The following GIMAP4 variants were observed in gnomAD, a reference collection of about 807,000 sequenced individuals.
GIMAP4 encodes GTPase IMAP family member 4.
A neutral mutation model predicts 10.8 loss-of-function variants in GIMAP4; 12 were observed. The observed-to-expected ratio is 1.11, with a 90% CI of 0.71 to 1.81. The LOEUF is 1.81. Among genes scored for constraint, GIMAP4 ranks in the 40% most tolerant of loss-of-function variants. The probability of loss-of-function intolerance (pLI) is 0.00; values close to 1 mark genes in which losing one functional copy is unlikely to be tolerated. For synonymous variants in GIMAP4, 149 were observed against 147.2 expected, an observed-to-expected ratio of 1.01 and a Z score of -0.09; for missense variants, 412 against 404.6, an observed-to-expected ratio of 1.02 and a Z score of -0.16.
Position 150,572,417 on chromosome 7 carries a change from C to T in GIMAP4, c.347C>T (p.Ala116Val). 2 of 1,614,186 alleles carry T rather than the reference C, an allele frequency of 1.2e-6. No individual in the cohort carries two copies. The highest frequency in any genetic ancestry group is 8.5e-7 in the Non-Finnish European group (1 of 1,179,996). ...CTTCTGACCTCCCCAGGGCCTCATG[C>T]TCTGCTTCTGGTGGTTCCACTGGGC... is the stretch of plus-strand genomic sequence containing the variant. ...CILLTSPGPHALLLVVPLGRY... is the reference protein window; with the variant it reads ...CILLTSPGPHVLLLVVPLGRY... The change falls in exon 3 of 3, where the codon GCT becomes GTT. Residue 116 changes from alanine to valine, a missense_variant. Coordinates refer to ENST00000255945, the MANE Select transcript of GIMAP4 (RefSeq NM_018326.3).
Position 150,572,578 on chromosome 7 carries a change from G to C in GIMAP4, c.508G>C (p.Glu170Gln), listed in dbSNP as rs1191561737. 2 of 1,614,094 alleles carry C rather than the reference G, an allele frequency of 1.2e-6. No homozygotes were observed. Among genetic ancestry groups the C allele is most frequent in the South Asian group, 2.2e-5 (2 of 91,068 alleles). ...CACCAATTTGCATGACTACTTAAGG[G>C]AAGCTCCAGAAGACATTCAAGACTT... ...GDTNLHDYLR[E>Q]APEDIQDLMD... Residue 170 changes from glutamate (E) to glutamine (Q), a missense_variant, in exon 3 of 3, where the codon GAA (glutamate) becomes CAA (glutamine). Transcript: ENST00000255945.
At chr7:150,568,000 T>C (rs1795683240) in intron 1 of GIMAP4, among the ~76,000 whole-genome samples, 1 of 152,196 alleles carries the variant, frequency 6.6e-6, no homozygotes. Flanking sequence ...TGTGACTCTC[T>C]ACAGTTCAGG....
intron 2 of GIMAP4, among the ~76,000 whole-genome samples, chr7:150,571,449 G>A (rs1795727167): frequency 6.6e-6 from 1 of 152,148 alleles, no homozygotes; most frequent in Non-Finnish European, 1.5e-5. Context: ...ATATGCTAAA[G>A]TCAAATCTTG....
Position 150,572,590 on chromosome 7 carries a change from G to A in GIMAP4, c.520G>A (p.Asp174Asn). Residue 174 changes from aspartate to asparagine, a missense_variant, in exon 3 of 3, where the codon GAC (aspartate) becomes AAC (asparagine). Coordinates refer to ENST00000255945, the MANE Select transcript of GIMAP4 (RefSeq NM_018326.3). ...LHDYLREAPE[D>N]IQDLMDIFGD... ...TGACTACTTAAGGGAAGCTCCAGAA[G>A]ACATTCAAGACTTGATGGACATTTT... 1 of 1,614,124 alleles carries A rather than the reference G, an allele frequency of 6.2e-7. No individual in the cohort carries two copies. The highest frequency in any genetic ancestry group is 2.2e-5 in the East Asian group (1 of 44,886).
At position 150,573,199 on chromosome 7, in the gene GIMAP4, A is replaced by G; in HGVS notation, c.*139A>G. 1.7e-6 allele frequency: 1 copy of G among 605,610 alleles called. No homozygotes were observed. Among genetic ancestry groups the G allele is most frequent in the African/African-American group, 1.9e-5 (1 of 53,950 alleles). The allele number at this position is 605,610 out of a possible 1,614,324, so 37.5% of individuals were successfully genotyped here. A position where few individuals can be genotyped will look rare whatever the true frequency, so the allele number is the denominator to read the frequency against. On this transcript the variant is annotated 3_prime_UTR_variant, in exon 3 of 3. Coordinates refer to ENST00000255945, the MANE Select transcript of GIMAP4 (RefSeq NM_018326.3). ...AAGGACCACCATTGGCCATTGGTAG[A>G]TGTTTGATTGACTTAACAAGAGAGG...
rs553200173 is a variant in GIMAP4, at chr7:150,573,739, A to G, written c.*679A>G. The G allele has an allele frequency of 4.5e-4, 68 of 152,320 alleles. No individual in the cohort carries two copies. Among genetic ancestry groups the G allele is most frequent in the African/African-American group, 1.6e-3 (65 of 41,582 alleles). The allele number at this position is 152,320 out of a possible 1,614,324, so 9.4% of individuals were successfully genotyped here. A position where few individuals can be genotyped will look rare whatever the true frequency, so the allele number is the denominator to read the frequency against. ...TAATAGAGCAATGTTTAGTATATTC[A>G]GCTGTATCTGTAGAAACTCTTTGAC... On this transcript the variant is annotated 3_prime_UTR_variant, in exon 3 of 3. Transcript: ENST00000255945.
In GIMAP4 at chr7:150,567,453, T is replaced by C. The variant is rs149341389; in HGVS notation, c.-15+16T>C. On this transcript the variant is annotated intron_variant, in intron 1 of 2. Transcript: ENST00000255945. ...GATTTTTCAGGTAAGGGAATAGGGG[T>C]GTGTGTGGTGGGGGTCGGGACGAAT... is the stretch of plus-strand genomic sequence containing the variant. The C allele has an allele frequency of 6.6e-6, 1 of 151,810 alleles. No individual in the cohort carries two copies. The highest frequency in any genetic ancestry group is 2.4e-5 in the African/African-American group (1 of 41,376). The allele number at this position is 151,810 out of a possible 1,614,324, so 9.4% of individuals were successfully genotyped here.
At position 150,569,171 on chromosome 7, in the gene GIMAP4, A is replaced by C. The variant is rs182069658; in HGVS notation, c.-14-717A>C. Among the ~76,000 whole-genome samples, 464 of 152,352 alleles carry C rather than the reference A, an allele frequency of 3.0e-3. 1 individual carries two copies. The highest frequency in any genetic ancestry group is 5.2e-3 in the Non-Finnish European group (355 of 68,038). On this transcript the variant is annotated intron_variant, in intron 1 of 2. Coordinates refer to ENST00000255945, the MANE Select transcript of GIMAP4 (RefSeq NM_018326.3). ...TAAACAAGAAAAAATATCAAATTTTAGTTTTAAAAGAACATCTGATTGTAG... is the reference window on the plus strand; with the variant it reads ...TAAACAAGAAAAAATATCAAATTTTCGTTTTAAAAGAACATCTGATTGTAG...
At chr7:150,572,012 C>A in intron 2 of GIMAP4, 117 bp from the exon 3 acceptor site, 3 of 664,476 alleles carry the variant, frequency 4.5e-6, no homozygotes, top group South Asian at 1.9e-5. Context: ...GCAGTAACAT[C>A]AGGAGAAGCC....
intron 1 of GIMAP4, among the ~76,000 whole-genome samples, chr7:150,567,757 G>A (rs1170800923): frequency 6.6e-6 from 1 of 152,166 alleles, no homozygotes; most frequent in East Asian, 1.9e-4. Flanking sequence ...TAGCTCTGGG[G>A]GAGCTGGTGG....
Position 150,572,966 on chromosome 7 carries a change from C to A in GIMAP4, c.896C>A (p.Thr299Lys), listed in dbSNP as rs746688729. The A allele has an allele frequency of 2.5e-6, 4 of 1,613,470 alleles. No individual in the cohort carries two copies. Among genetic ancestry groups the A allele is most frequent in the Admixed American group, 1.7e-5 (1 of 60,020 alleles). ...HYAVRQQRAR[T>K]EVESKDGILE... ...GCTGTAAGGCAGCAAAGGGCAAGAA[C>A]GGAAGTGGAGAGTAAGGATGGGATA... The change falls in exon 3 of 3, where the codon ACG (threonine) becomes AAG (lysine). Residue 299 changes from threonine to lysine, a missense_variant. By Grantham distance (78) the Thr-to-Lys change is moderately conservative. Coordinates refer to ENST00000255945, the MANE Select transcript of GIMAP4 (RefSeq NM_018326.3).
intron 2 of GIMAP4, among the ~76,000 whole-genome samples, chr7:150,570,646 G>A (rs1184488469): frequency 6.6e-6 from 1 of 152,124 alleles, no homozygotes; most frequent in Non-Finnish European, 1.5e-5. Context: ...ATGCATCTGG[G>A]GTAAGCTAGT....
chr7:150,572,756 C>T lies in GIMAP4; in HGVS notation c.686C>T (p.Ala229Val), dbSNP rs1332622900. ...TACACTAATAGGATGTACCAAAGGG[C>T]GGAGGAGGAGATCCAGAAGCAAACA... Reference protein sequence around the residue: ...GCYTNRMYQRAEEEIQKQTQA... With the variant: ...GCYTNRMYQRVEEEIQKQTQA... The change falls in exon 3 of 3, where the codon GCG (alanine) becomes GTG (valine). Residue 229 changes from alanine to valine, a missense_variant. By Grantham distance (64) the Ala-to-Val change is moderately conservative. Transcript: ENST00000255945. 3.1e-6 allele frequency: 5 copies of T among 1,614,008 alleles called. No homozygotes were observed. The highest frequency in any genetic ancestry group is 2.2e-5 in the East Asian group (1 of 44,868).
chr7:150,571,609 C>T (rs1190346321), intron 2 of GIMAP4, among the ~76,000 whole-genome samples: 1 of 152,016 alleles, frequency 6.6e-6, no homozygotes, highest in Non-Finnish European at 1.5e-5. Context: ...GGCGAAACCC[C>T]GTCTCTACTA....
At chr7:150,567,773 G>A (rs1477668792) in intron 1 of GIMAP4, among the ~76,000 whole-genome samples, 1 of 152,196 alleles carries the variant, frequency 6.6e-6, no homozygotes, top group Non-Finnish European at 1.5e-5. Flanking sequence ...GGTGGGAAGA[G>A]GAACATTGGG....
At chr7:150,570,836 G>C (rs1795720248) in intron 2 of GIMAP4, among the ~76,000 whole-genome samples, 1 of 152,206 alleles carries the variant, frequency 6.6e-6, no homozygotes, top group Non-Finnish European at 1.5e-5. Flanking sequence ...AAGCCACAGT[G>C]CATAAGCACT....
chr7:150,569,053 A>G (rs377183644), intron 1 of GIMAP4, among the ~76,000 whole-genome samples: 265 of 152,334 alleles, frequency 1.7e-3, no homozygotes, highest in Non-Finnish European at 3.2e-3. Context: ...TGGCTCACAC[A>G]TAGGAGAGAG....
At chr7:150,570,022 G>GT in intron 2 of GIMAP4, 63 bp downstream of exon 2, 1 of 513,674 alleles carries the variant, frequency 1.9e-6, no homozygotes, top group Non-Finnish European at 3.8e-6. Flanking sequence ...GGGGGTGGGG[G>GT]ATTTGGGGGG....
At chr7:150,569,809 G>A (rs1795707148) in intron 1 of GIMAP4, 79 bp from the exon 2 acceptor site, 4 of 725,944 alleles carry the variant, frequency 5.5e-6, no homozygotes, top group Non-Finnish European at 1.0e-5. Context: ...AAAGAAAGTT[G>A]TTGTTGACTA....
Sources: gnomAD v4.1 joint callset for allele counts (sites outside exome capture counted in the v4.1 genomes callset) on GRCh38, gnomAD v4.1.1 for gene constraint, MANE v1.5 for transcripts, NCBI Gene and HGNC (gene_info 2026-07-23, HGNC 2026-07-21) for gene names.